Variants in MYO3A observed in about 807,000 individuals in gnomAD.
MYO3A encodes the protein myosin-IIIa.
MYO3A carries 180 observed loss-of-function variants against 192.7 expected under a neutral mutation model. The observed-to-expected ratio is 0.93, with a 90% CI of 0.83 to 1.06. The LOEUF is 1.06. Ranked by LOEUF, MYO3A falls within the 50% of genes least tolerant of loss-of-function variation. The probability of loss-of-function intolerance (pLI) is 0.00; values close to 1 mark genes in which losing one functional copy is unlikely to be tolerated. For synonymous variants in MYO3A, 628 were observed against 645.3 expected, an observed-to-expected ratio of 0.97 and a Z score of 0.41; for missense variants, 1,896 against 1,905.0, an observed-to-expected ratio of 1.00 and a Z score of 0.09.
intron 22 of MYO3A, 100 bp from the exon 23 acceptor site, chr10:26,147,330 A>G: frequency 1.6e-6 from 2 of 1,246,520 alleles, no homozygotes; most frequent in Non-Finnish European, 1.2e-6. Flanking sequence ...AACATAGAGT[A>G]AGCTCATAAT....
intron 20 of MYO3A, among the ~76,000 whole-genome samples, chr10:26,130,190 C>T (rs1839451294): frequency 6.6e-6 from 1 of 151,872 alleles, no homozygotes; most frequent in Non-Finnish European, 1.5e-5. Flanking sequence ...CTGCAGCCTG[C>T]GCCTCCCAGG....
intron 4 of MYO3A, among the ~76,000 whole-genome samples, chr10:25,965,595 T>G (rs1838208434): frequency 6.6e-6 from 1 of 152,106 alleles, no homozygotes; most frequent in Non-Finnish European, 1.5e-5. Flanking sequence ...TGGGCCCTAG[T>G]GCAGCACTAG....
At chr10:26,140,695 AAAAAG>A (rs1254577936) in intron 20 of MYO3A, among the ~76,000 whole-genome samples, 1 of 151,920 alleles carries the variant, frequency 6.6e-6, no homozygotes, top group Non-Finnish European at 1.5e-5. Flanking sequence ...AAAAAAAAAA[AAAAAG>A]AAGAAGAAAA....
chr10:26,003,141 T>A (rs556625525), intron 6 of MYO3A, among the ~76,000 whole-genome samples: 1 of 152,146 alleles, frequency 6.6e-6, no homozygotes, highest in Non-Finnish European at 1.5e-5. Flanking sequence ...CCTCCTAAGA[T>A]TGGTTGCTGT....
chr10:25,991,632 T>C (rs9731566), intron 4 of MYO3A, among the ~76,000 whole-genome samples: 2 of 152,000 alleles, frequency 1.3e-5, no homozygotes, highest in Middle Eastern at 3.2e-3. Context: ...TCTCCTAGGG[T>C]TTTTATAGTT....
At chr10:25,942,269 TG>T (rs1836547269) in intron 2 of MYO3A, among the ~76,000 whole-genome samples, 1 of 152,240 alleles carries the variant, frequency 6.6e-6, no homozygotes, top group Admixed American at 6.5e-5. Context: ...CCAAAAGTGC[TG>T]GGATTACAGG....
intron 6 of MYO3A, among the ~76,000 whole-genome samples, chr10:25,998,852 ATATACT>A (rs1396506833): frequency 6.6e-6 from 1 of 152,298 alleles, no homozygotes; most frequent in African/African-American, 2.4e-5. Context: ...GATTGAAAAC[ATATACT>A]TAGATAACAA....
chr10:25,974,007 A>G (rs755216754), intron 4 of MYO3A, among the ~76,000 whole-genome samples: 3 of 152,184 alleles, frequency 2.0e-5, no homozygotes, highest in Non-Finnish European at 2.9e-5. Context: ...AACCTAGGCA[A>G]TACCATTCAG....
chr10:26,014,451 C>G (rs926449312), intron 6 of MYO3A, among the ~76,000 whole-genome samples: 10 of 152,036 alleles, frequency 6.6e-5, no homozygotes, highest in South Asian at 2.1e-4. Context: ...TCTTATTTAA[C>G]TTTAAAAAAA....
chr10:26,095,106 T>C (rs1376536956), intron 15 of MYO3A, among the ~76,000 whole-genome samples: 1 of 152,082 alleles, frequency 6.6e-6, no homozygotes, highest in Non-Finnish European at 1.5e-5. Context: ...CAGAGCACAG[T>C]TCAGGCCACT....
Position 26,021,592 on chromosome 10 carries a change from TG to T in MYO3A, c.677del (p.Gly226GlufsTer5), listed in dbSNP as rs1842309575. 1.2e-6 allele frequency: 2 copies of T among 1,614,092 alleles called. No individual in the cohort carries two copies. The highest frequency in any genetic ancestry group is 1.7e-6 in the Non-Finnish European group (2 of 1,179,962). On this transcript the variant is annotated frameshift_variant, in exon 8 of 35. Coordinates refer to ENST00000642920, the MANE Select transcript of MYO3A (RefSeq NM_017433.5). LOFTEE classifies it high-confidence loss of function. ...GTATCACGGCCATTGAGCTGGGTGA[TG>T]GAGATCCTCCACTAGCTGACCTTCA... ...LGITAIELGDGDPPLADLHPM... is the reference protein window; with the variant it reads ...LGITAIELGDXDPPLADLHPM...
chr10:26,094,858 G>T (rs1242047412), intron 15 of MYO3A, among the ~76,000 whole-genome samples: 1 of 152,226 alleles, frequency 6.6e-6, no homozygotes, highest in Non-Finnish European at 1.5e-5. Flanking sequence ...TAATTTGCGT[G>T]TAATTATGCA....
At chr10:26,187,281 A>G (rs1490719975) in intron 31 of MYO3A, among the ~76,000 whole-genome samples, 1 of 152,188 alleles carries the variant, frequency 6.6e-6, no homozygotes, top group Non-Finnish European at 1.5e-5. Context: ...CGGCAAGAAT[A>G]TGGGATTAGG....
intron 2 of MYO3A, among the ~76,000 whole-genome samples, chr10:25,947,357 A>T (rs1008520377): frequency 1.3e-5 from 2 of 150,416 alleles, no homozygotes; most frequent in African/African-American, 2.4e-5. Flanking sequence ...CTGAAAAAAA[A>T]TGCATAAGAT....
chr10:25,988,939 CTT>C (rs56308717), intron 4 of MYO3A, among the ~76,000 whole-genome samples: 1,737 of 116,950 alleles, frequency 0.015, 34 homozygotes, highest in African/African-American at 0.048. Context: ...CCCTAAAACT[CTT>C]TTTTTTTTTT....
intron 26 of MYO3A, among the ~76,000 whole-genome samples, chr10:26,159,077 G>A (rs1037754013): frequency 4.7e-5 from 7 of 150,070 alleles, no homozygotes; most frequent in African/African-American, 1.7e-4. Flanking sequence ...GCCGGATCTC[G>A]GCTCCTGGGT....
chr10:26,130,171 G>A (rs534590587), intron 20 of MYO3A, among the ~76,000 whole-genome samples: 3 of 151,810 alleles, frequency 2.0e-5, no homozygotes, highest in Non-Finnish European at 2.9e-5. Flanking sequence ...GTGGGGTGGT[G>A]TTGGCTGACT....
rs115999292 is a variant in MYO3A at position 25,945,799 on chromosome 10, T to C, written c.-17-6295T>C. On this transcript the variant is annotated intron_variant, in intron 2 of 34. Transcript: ENST00000642920. ...TCATTTTTTGGTTGTTTTTCGATGT[T>C]ATAACGTTTTTGTTACTCATTTCCT... Among the ~76,000 whole-genome samples, 463 of 152,260 alleles carry C rather than the reference T, an allele frequency of 3.0e-3. 3 individuals carry two copies. The highest frequency in any genetic ancestry group is 9.5e-3 in the African/African-American group (395 of 41,576).
rs142519553 is a variant in MYO3A at position 26,103,015 on chromosome 10, C to T, written c.1776+6333C>T. ...CCCCCAGAGGTGGAGTCTACAAAGG[C>T]GGGCAGGCCTCCTTGAGCTGTGGTG... On this transcript the variant is annotated intron_variant, in intron 17 of 34. Coordinates refer to ENST00000642920, the MANE Select transcript of MYO3A (RefSeq NM_017433.5). Among the ~76,000 whole-genome samples, 1,305 of 152,332 alleles carry T rather than the reference C, an allele frequency of 8.6e-3. 11 individuals are homozygous for T. Among genetic ancestry groups the T allele is most frequent in the South Asian group, 0.015 (71 of 4,828 alleles).
Sources: allele counts gnomAD v4.1 joint callset (sites outside exome capture counted in the v4.1 genomes callset), GRCh38; gene constraint gnomAD v4.1.1; transcripts MANE v1.5; gene names NCBI Gene and HGNC (gene_info 2026-07-23, HGNC 2026-07-21).